PPARGC1B: variants seen among roughly 807,000 people sequenced by gnomAD.
PPARGC1B encodes PPARG coactivator 1 beta, also known as peroxisome proliferator-activated receptor gamma coactivator 1-beta.
A neutral mutation model predicts 101.6 loss-of-function variants in PPARGC1B; 34 were observed. That is an observed-to-expected ratio of 0.33 (90% CI 0.25 to 0.45). The LOEUF (loss-of-function observed/expected upper bound fraction) is 0.45. Among genes scored for constraint, PPARGC1B ranks in the 20% least tolerant of loss-of-function variants. PPARGC1B has a pLI of 1.00. For missense variants in PPARGC1B, 1,234 were observed against 1,317.6 expected (o/e 0.94, Z 0.98); for synonymous variants, 548 against 539.3 (o/e 1.02, Z -0.22).
At position 149,833,383 on chromosome 5, in the gene PPARGC1B, A is replaced by G; in HGVS notation, c.1310A>G (p.Glu437Gly). 6.2e-7 allele frequency: 1 copy of G among 1,612,008 alleles called. No individual in the cohort carries two copies. The highest frequency in any genetic ancestry group is 8.5e-7 in the Non-Finnish European group (1 of 1,179,622). The change falls in exon 5 of 12, where the codon GAG becomes GGG. Residue 437 changes from glutamate (E) to glycine (G), a missense_variant. By Grantham distance (98) the Glu-to-Gly change is moderately conservative. This residue lies in a region of PPARGC1B where 734 missense variants were observed against 768.4 expected (regional missense o/e 0.96). Coordinates refer to ENST00000309241, the MANE Select transcript of PPARGC1B (RefSeq NM_133263.4). This position sits in a 1 kb window ranked among gnomAD's most constrained non-coding sequence, Gnocchi z 4.1. The part of the protein sequence containing the change: ...QQQEEEDEEE[E>G]EEEEEEEKEE... ...CAGGAGGAGGAAGACGAGGAAGAAG[A>G]GGAGGAGGAAGAGGAAGAAGAAAAA...
At chr5:149,747,688 G>A (rs916141667) in intron 1 of PPARGC1B, among the ~76,000 whole-genome samples, 1 of 152,236 alleles carries the variant, frequency 6.6e-6, no homozygotes, top group Non-Finnish European at 1.5e-5. Context: ...CTCCAGCACT[G>A]CTCTTTGTCC....
chr5:149,856,360 G>A (rs1056499899), downstream of PPARGC1B, among the ~76,000 whole-genome samples: 8 of 152,142 alleles, frequency 5.3e-5, no homozygotes, highest in Admixed American at 4.6e-4. Context: ...GAGTTCTCTG[G>A]TGTGATGAGA....
rs1759613791 is a variant in PPARGC1B, at chr5:149,847,531, G to A, written c.3045G>A (p.Leu1015=). Residue 1015 remains leucine, a synonymous_variant, in exon 12 of 12, where the codon CTG becomes CTA. Coordinates refer to ENST00000309241, the MANE Select transcript of PPARGC1B (RefSeq NM_133263.4). ...AAGCCATGGATTTTGACAGCTTACT[G>A]AAAGAGGCCCAGCAGAGCCTGCATT... ...KYEAMDFDSL[L]KEAQQSLH The A allele has an allele frequency of 6.2e-7, 1 of 1,614,158 alleles. No homozygotes were observed. The highest frequency in any genetic ancestry group is 1.6e-4 in the Middle Eastern group (1 of 6,062).
At chr5:149,804,067 G>A (rs1189098901) in intron 1 of PPARGC1B, among the ~76,000 whole-genome samples, 2 of 152,230 alleles carry the variant, frequency 1.3e-5, no homozygotes, top group Non-Finnish European at 2.9e-5. Flanking sequence ...AAAAGGAAAG[G>A]CAGGAGTTTC....
At chr5:149,795,219 G>A (rs529677563) in intron 1 of PPARGC1B, among the ~76,000 whole-genome samples, 3 of 152,174 alleles carry the variant, frequency 2.0e-5, no homozygotes, top group Non-Finnish European at 2.9e-5. Context: ...AGCTTAGGGC[G>A]TCAGATTTCC....
intron 1 of PPARGC1B, among the ~76,000 whole-genome samples, chr5:149,771,556 C>T (rs543101985): frequency 2.0e-5 from 3 of 152,334 alleles, no homozygotes; most frequent in African/African-American, 7.2e-5. Flanking sequence ...GGATGGGGAA[C>T]TAACTGGGTA....
intron 1 of PPARGC1B, among the ~76,000 whole-genome samples, chr5:149,785,915 C>CTTTTTTT (rs10622982): frequency 7.1e-6 from 1 of 140,398 alleles, no homozygotes. Context: ...GACACTCATT[C>CTTTTTTT]TTTTTTTTTT....
chr5:149,766,951 C>T (rs1451925244), intron 1 of PPARGC1B, among the ~76,000 whole-genome samples: 2 of 152,190 alleles, frequency 1.3e-5, no homozygotes, highest in African/African-American at 4.8e-5. Context: ...GAGGAGGAAA[C>T]AGAACCAGCA....
At chr5:149,782,312 AT>A (rs1024480765) in intron 1 of PPARGC1B, among the ~76,000 whole-genome samples, 8 of 152,124 alleles carry the variant, frequency 5.3e-5, no homozygotes, top group African/African-American at 1.7e-4. Flanking sequence ...ACTCTTAAAA[AT>A]TTTTTTTCTT....
chr5:149,844,303 A>C (rs775101100), intron 10 of PPARGC1B, among the ~76,000 whole-genome samples: 2 of 152,264 alleles, frequency 1.3e-5, no homozygotes, highest in Non-Finnish European at 2.9e-5. Flanking sequence ...TTAAAAAAAC[A>C]CACAGGATCT....
At chr5:149,846,030 C>A in intron 11 of PPARGC1B, 116 bp downstream of exon 11, 1 of 1,205,704 alleles carries the variant, frequency 8.3e-7, no homozygotes, top group South Asian at 1.3e-5. Context: ...CATCCCCACA[C>A]CCCAGTGTGC....
rs1758828172 is a variant in PPARGC1B, at chr5:149,832,395, C to CCAG, written c.583-261_583-260insCAG. 6.6e-6 allele frequency among the ~76,000 whole-genome samples: 1 copy of CCAG among 152,088 alleles called. No individual in the cohort carries two copies. The highest frequency in any genetic ancestry group is 2.1e-4 in the South Asian group (1 of 4,828). ...CGGAATGGTCAGAGTGGGGCTTTGT[C>CCAG]AGTGAATCTGGAAGGGTCTGCAGGG... is the stretch of plus-strand genomic sequence containing the variant. On this transcript the variant is annotated intron_variant, in intron 4 of 11. Transcript: ENST00000309241. The surrounding 1 kb of genome is among the most constrained non-coding windows in gnomAD (Gnocchi z 4.9).
chr5:149,826,375 A>G (rs1337953039), intron 2 of PPARGC1B, among the ~76,000 whole-genome samples: 1 of 152,138 alleles, frequency 6.6e-6, no homozygotes, highest in Non-Finnish European at 1.5e-5. Flanking sequence ...GTGCCCAGGT[A>G]TGTGATAAGC....
At position 149,834,785 on chromosome 5, in the gene PPARGC1B, G is replaced by A. The variant is rs45615133; in HGVS notation, c.1742+75G>A. The A allele has an allele frequency of 6.5e-3, 8,835 of 1,366,526 alleles. 41 individuals carry two copies. Among genetic ancestry groups the A allele is most frequent in the Non-Finnish European group, 7.5e-3 (7,186 of 957,134 alleles). The allele number at this position is 1,366,526 out of a possible 1,614,324, so 84.7% of individuals were successfully genotyped here. A position where few individuals can be genotyped will look rare whatever the true frequency, so the allele number is the denominator to read the frequency against. Reference sequence around the variant, plus strand: ...TTGGATGTGTGTGTTGGTGGTGATGGGGGATTCATCAGCGCCCACCCCTGG... The same window carrying A: ...TTGGATGTGTGTGTTGGTGGTGATGAGGGATTCATCAGCGCCCACCCCTGG... On this transcript the variant is annotated intron_variant, in intron 6 of 11. Coordinates refer to ENST00000309241, the MANE Select transcript of PPARGC1B (RefSeq NM_133263.4).
chr5:149,746,901 G>A lies in PPARGC1B; in HGVS notation c.78+16481G>A, dbSNP rs1297031470. On this transcript the variant is annotated intron_variant, in intron 1 of 11. Transcript: ENST00000309241. ...ACTGGCCATTTGCATATCTTCTTTA[G>A]ATAAATGTCTTTTCAAGTCATTTGC... 3.3e-5 allele frequency among the ~76,000 whole-genome samples: 5 copies of A among 152,090 alleles called. No individual in the cohort carries two copies. In the East Asian group the frequency reaches 9.6e-4, roughly 29 times the overall value.
intron 10 of PPARGC1B, among the ~76,000 whole-genome samples, chr5:149,845,174 G>A (rs1759503534): frequency 6.6e-6 from 1 of 152,214 alleles, no homozygotes; most frequent in South Asian, 2.1e-4. Context: ...AGGCATCATA[G>A]ATGTCTACCA....
At chr5:149,827,712 G>A (rs1166879412) in intron 3 of PPARGC1B, among the ~76,000 whole-genome samples, 7 of 152,224 alleles carry the variant, frequency 4.6e-5, no homozygotes, top group Non-Finnish European at 7.3e-5. Context: ...AGTTAAATGC[G>A]GTGTGAGCGT....
At chr5:149,777,298 G>A (rs1325632088) in intron 1 of PPARGC1B, among the ~76,000 whole-genome samples, 1 of 152,180 alleles carries the variant, frequency 6.6e-6, no homozygotes, top group Admixed American at 6.5e-5. Flanking sequence ...CTTTACAGAT[G>A]TGGAAACTTT....
chr5:149,731,283 G>C (rs886869352), intron 1 of PPARGC1B, among the ~76,000 whole-genome samples: 2 of 152,220 alleles, frequency 1.3e-5, no homozygotes, highest in Non-Finnish European at 2.9e-5. Context: ...ACTGGGAGAG[G>C]GGTGCTGCTG....
Sources: gnomAD v4.1 joint callset for allele counts (sites outside exome capture counted in the v4.1 genomes callset) on GRCh38, gnomAD v4.1.1 for gene constraint, gnomAD v4.1.1 regional missense constraint, Gnocchi (gnomAD v3.1) non-coding constraint, MANE v1.5 for transcripts, NCBI Gene and HGNC (gene_info 2026-07-23, HGNC 2026-07-21) for gene names.